NLGN4Y: variants seen among roughly 807,000 people sequenced by gnomAD.
The protein encoded by NLGN4Y is neuroligin-4, Y-linked.
In NLGN4Y, 4 loss-of-function variants were observed where a neutral mutation model predicts 8.4. The ratio of observed to expected loss-of-function variants is 0.48; its 90% CI spans 0.23 to 1.09. The LOEUF (loss-of-function observed/expected upper bound fraction) is 1.09. Ranked by LOEUF, NLGN4Y falls within the 50% of genes least tolerant of loss-of-function variation. The probability of loss-of-function intolerance (pLI) is 0.19; values close to 1 mark genes in which losing one functional copy is unlikely to be tolerated. For synonymous variants in NLGN4Y, 35 were observed against 75.6 expected (o/e 0.46, Z 2.78); for missense variants, 90 against 192.3 (o/e 0.47, Z 3.15).
intron 2 of NLGN4Y, among the ~76,000 whole-genome samples, chrY:14,718,767 G>C (rs746972329): frequency 3.0e-5 from 1 of 33,253 alleles, no homozygotes; most frequent in Non-Finnish European, 7.4e-5. Flanking sequence ...ATAATATTTT[G>C]TCCTGACTTA....
At chrY:14,702,339 T>A (rs2150544783) in intron 2 of NLGN4Y, among the ~76,000 whole-genome samples, 5 of 30,731 alleles carry the variant, frequency 1.6e-4, no homozygotes, top group African/African-American at 3.8e-4. Context: ...CAGGCCCCAG[T>A]GTGTGATGTT....
chrY:14,804,442 A>G (rs2043049421), intron 4 of NLGN4Y, among the ~76,000 whole-genome samples: 3 of 33,480 alleles, frequency 9.0e-5, no homozygotes, highest in Non-Finnish European at 1.5e-4. Flanking sequence ...ATATAGGAGC[A>G]AATCTTTGCC....
chrY:14,572,666 G>T, intron 1 of NLGN4Y, among the ~76,000 whole-genome samples: 1 of 33,119 alleles, frequency 3.0e-5, no homozygotes, highest in African/African-American at 1.2e-4. Flanking sequence ...GGGCATCTTT[G>T]TCTTGTGCCA....
intron 2 of NLGN4Y, among the ~76,000 whole-genome samples, chrY:14,671,259 G>C (rs2080709558): frequency 3.0e-5 from 1 of 33,450 alleles, no homozygotes; most frequent in Admixed American, 2.7e-4. Flanking sequence ...AGCCTGGTGT[G>C]GTGAGTCACA....
intron 1 of NLGN4Y, among the ~76,000 whole-genome samples, chrY:14,529,482 A>T: frequency 3.1e-5 from 1 of 32,285 alleles, no homozygotes; most frequent in African/African-American, 1.2e-4. Context: ...CAACAACACC[A>T]ATATGTGGCT....
chrY:14,732,143 G>A, intron 4 of NLGN4Y, among the ~76,000 whole-genome samples: 1 of 32,638 alleles, frequency 3.1e-5, no homozygotes, highest in Non-Finnish European at 7.5e-5. Flanking sequence ...AAGACAAGAG[G>A]GAGTGAGAGA....
At chrY:14,642,345 A>C in intron 2 of NLGN4Y, among the ~76,000 whole-genome samples, 1 of 33,810 alleles carries the variant, frequency 3.0e-5, no homozygotes, top group African/African-American at 1.2e-4. Context: ...GTTTAAGCCT[A>C]CTGGCCCCAC....
chrY:14,764,668 A>G (rs2081089067), intron 4 of NLGN4Y, among the ~76,000 whole-genome samples: 1 of 34,255 alleles, frequency 2.9e-5, no homozygotes, highest in African/African-American at 1.1e-4. Context: ...TTGACAGCCC[A>G]CTTCCTAGTC....
intron 1 of NLGN4Y, among the ~76,000 whole-genome samples, chrY:14,529,871 C>T: frequency 7.0e-5 from 2 of 28,674 alleles, no homozygotes; most frequent in Non-Finnish European, 1.6e-4. Context: ...TAACTAGGAA[C>T]TAGTCCTTGC....
intron 4 of NLGN4Y, among the ~76,000 whole-genome samples, chrY:14,735,007 T>G: frequency 5.8e-5 from 2 of 34,194 alleles, no homozygotes; most frequent in Non-Finnish European, 1.5e-4. Flanking sequence ...CAAGTCAGTA[T>G]TTTTGCTGTA....
chrY:14,748,241 C>A, intron 4 of NLGN4Y, among the ~76,000 whole-genome samples: 1 of 33,333 alleles, frequency 3.0e-5, no homozygotes, highest in Non-Finnish European at 7.4e-5. Context: ...TATTAAATTT[C>A]TCCTTTCTTG....
intron 2 of NLGN4Y, among the ~76,000 whole-genome samples, chrY:14,708,831 A>G (rs2080890479): frequency 3.0e-5 from 1 of 33,439 alleles, no homozygotes; most frequent in African/African-American, 1.2e-4. Flanking sequence ...AAGCATCTCA[A>G]ACAACCTCTA....
At chrY:14,559,953 G>T in intron 1 of NLGN4Y, among the ~76,000 whole-genome samples, 1 of 33,500 alleles carries the variant, frequency 3.0e-5, no homozygotes, top group Admixed American at 2.8e-4. Flanking sequence ...AGGCTATGTT[G>T]CATGATATAT....
At chrY:14,826,708 G>A (rs2043148456) in intron 5 of NLGN4Y, among the ~76,000 whole-genome samples, 3 of 32,346 alleles carry the variant, frequency 9.3e-5, no homozygotes, top group Admixed American at 2.8e-4. Context: ...AGGAGTTTGA[G>A]CCCAGCCTGT....
At chrY:14,676,383 G>A in intron 2 of NLGN4Y, among the ~76,000 whole-genome samples, 1 of 33,591 alleles carries the variant, frequency 3.0e-5, no homozygotes, top group Non-Finnish European at 7.4e-5. Context: ...ACCCAGTGGC[G>A]TCTTTTTAGT....
intron 2 of NLGN4Y, among the ~76,000 whole-genome samples, chrY:14,631,497 A>T: frequency 2.9e-5 from 1 of 34,358 alleles, no homozygotes; most frequent in Non-Finnish European, 7.3e-5. Flanking sequence ...GCTCAGGGAC[A>T]TTCTGCAAAT....
chrY:14,803,891 C>T (rs770438249), intron 4 of NLGN4Y: 1 of 33,403 alleles, frequency 3.0e-5, no homozygotes, highest in Non-Finnish European at 7.4e-5. Context: ...GAACAACTAT[C>T]GAATCCCCAC....
In NLGN4Y at chrY:14,585,868, T is replaced by A; in HGVS notation, c.-111-36141T>A. 9.0e-5 allele frequency among the ~76,000 whole-genome samples: 3 copies of A among 33,384 alleles called. No homozygotes were observed. In the South Asian group the frequency reaches 2.0e-3, roughly 22 times the overall value. 89.6% of individuals were successfully genotyped at this position (33,384 alleles called of 37,273 possible). A position where few individuals can be genotyped will look rare whatever the true frequency, so the allele number is the denominator to read the frequency against. On this transcript the variant is annotated intron_variant, in intron 1 of 6. Coordinates refer to ENST00000684976, the MANE Select transcript of NLGN4Y (RefSeq NM_001365588.1). ...ACTCTGTTTAAAAGAAGCTTTTTTT[T>A]ATGCCTCTTTTCTTCCTTCCTATTC...
intron 4 of NLGN4Y, among the ~76,000 whole-genome samples, chrY:14,742,095 G>C: frequency 3.0e-5 from 1 of 33,770 alleles, no homozygotes; most frequent in Non-Finnish European, 7.4e-5. Context: ...TGGAAATGCA[G>C]AGAAAAATAA....
Sources: gnomAD v4.1 joint callset for allele counts (sites outside exome capture counted in the v4.1 genomes callset) on GRCh38, gnomAD v4.1.1 for gene constraint, MANE v1.5 for transcripts, NCBI Gene and HGNC (gene_info 2026-07-23, HGNC 2026-07-21) for gene names.